Variants in TICAM1 observed in about 807,000 individuals in gnomAD.
TICAM1 encodes TIR domain-containing adapter molecule 1.
For synonymous variants in TICAM1, 439 were observed against 415.4 expected, an observed-to-expected ratio of 1.06 and a Z score of -0.69; for missense variants, 895 against 938.2, an observed-to-expected ratio of 0.95 and a Z score of 0.60.
chr19:4,823,190 C>T (rs939824457), intron 1 of TICAM1, among the ~76,000 whole-genome samples: 2 of 151,880 alleles, frequency 1.3e-5, no homozygotes, highest in Admixed American at 6.6e-5. Flanking sequence ...CATGGCCAGG[C>T]GCAGTGGCTC....
rs1470467112 is a variant in TICAM1, at chr19:4,818,104, C to T, written c.274G>A (p.Val92Met). The T allele has an allele frequency of 6.2e-7, 1 of 1,608,078 alleles. No individual in the cohort carries two copies. The highest frequency in any genetic ancestry group is 8.5e-7 in the Non-Finnish European group (1 of 1,179,810). ...STEDPEEPPD[V>M]SWAVARLYHL... ...TACAAGCGGGCCACAGCCCAGGACA[C>T]ATCTGGGGGCTCCTCTGGGTCCTCG... The change falls in exon 2 of 2, where the codon GTG (valine) becomes ATG (methionine). Residue 92 changes from valine (V) to methionine (M), a missense_variant. Coordinates refer to ENST00000248244, the MANE Select transcript of TICAM1 (RefSeq NM_182919.4). The surrounding 1 kb of genome is among the most constrained non-coding windows in gnomAD (Gnocchi z 4.0).
chr19:4,821,088 TG>T (rs1185811080), intron 1 of TICAM1, among the ~76,000 whole-genome samples: 1 of 149,710 alleles, frequency 6.7e-6, no homozygotes, highest in African/African-American at 2.5e-5. Context: ...CCCAGCTACT[TG>T]GGAGGCTGAG....
rs2093592435 is a variant in TICAM1, at chr19:4,818,842, G to A, written c.-139-326C>T. Among the ~76,000 whole-genome samples the A allele has an allele frequency of 1.3e-5, 2 of 152,228 alleles. No individual in the cohort carries two copies. The highest frequency in any genetic ancestry group is 1.3e-4 in the Admixed American group (2 of 15,258). Reference sequence around the variant, plus strand: ...AAAATTAGCTGGGCTGGGTGAGGGGGCTTAAGCCTGTAATCCCAGCAGTTG... The same window carrying A: ...AAAATTAGCTGGGCTGGGTGAGGGGACTTAAGCCTGTAATCCCAGCAGTTG... On this transcript the variant is annotated intron_variant, in intron 1 of 1. Coordinates refer to ENST00000248244, the MANE Select transcript of TICAM1 (RefSeq NM_182919.4). This position sits in a 1 kb window ranked among gnomAD's most constrained non-coding sequence, Gnocchi z 4.0.
intron 1 of TICAM1, among the ~76,000 whole-genome samples, chr19:4,820,392 C>G (rs1158550733): frequency 1.3e-5 from 2 of 149,856 alleles, no homozygotes; most frequent in Non-Finnish European, 3.0e-5. Context: ...TGCACTCCAG[C>G]CTGGGCGACA....
chr19:4,827,291 A>AAC (rs1298444448), intron 1 of TICAM1, among the ~76,000 whole-genome samples: 1 of 135,304 alleles, frequency 7.4e-6, no homozygotes, highest in East Asian at 2.4e-4. Flanking sequence ...GTGGAGGTTG[A>AAC]ACCCGGGAGG....
Position 4,816,269 on chromosome 19 carries a change from C to A in TICAM1, c.2109G>T (p.Ala703=). ...CTGCCTCCTGCGTCTTGTCCTCGGGCGCCTGGGACCCTCTCTGGTTCCACA... is the reference window on the plus strand; with the variant it reads ...CTGCCTCCTGCGTCTTGTCCTCGGGAGCCTGGGACCCTCTCTGGTTCCACA... ...NHMWNQRGSQ[A]PEDKTQEAE The change falls in exon 2 of 2, where the codon GCG becomes GCT. Residue 703 remains alanine (A), a synonymous_variant. Transcript: ENST00000248244. This position sits in a 1 kb window ranked among gnomAD's most constrained non-coding sequence, Gnocchi z 4.3. The A allele has an allele frequency of 6.6e-7, 1 of 1,513,432 alleles. No individual in the cohort carries two copies. Among genetic ancestry groups the A allele is most frequent in the Non-Finnish European group, 8.8e-7 (1 of 1,132,134 alleles). The allele number at this position is 1,513,432 out of a possible 1,614,324, so 93.8% of individuals were successfully genotyped here. A position where few individuals can be genotyped will look rare whatever the true frequency, so the allele number is the denominator to read the frequency against.
chr19:4,817,821 G>A lies in TICAM1; in HGVS notation c.557C>T (p.Ser186Leu), dbSNP rs146550489. The stretch of plus-strand genomic sequence containing the variant: ...CAGGGAGCACCCTTGGCTCCAGTCC[G>A]AAACACCGTCAATGGGGCGTGGGAG... ...RSLPRPIDGVSDWSQGCSLRS... is the reference protein window; with the variant it reads ...RSLPRPIDGVLDWSQGCSLRS... The change falls in exon 2 of 2, where the codon TCG (serine) becomes TTG (leucine). Residue 186 changes from serine to leucine, a missense_variant. Ser to Leu is a moderately radical substitution (Grantham distance 145, BLOSUM62 -2). Transcript: ENST00000248244. This position sits in a 1 kb window ranked among gnomAD's most constrained non-coding sequence, Gnocchi z 4.7. The A allele has an allele frequency of 2.4e-4, 384 of 1,604,790 alleles. No homozygotes were observed. The highest frequency in any genetic ancestry group is 1.0e-3 in the African/African-American group (75 of 74,934).
chr19:4,817,675 G>A lies in TICAM1; in HGVS notation c.703C>T (p.Gln235Ter). The A allele has an allele frequency of 6.3e-7, 1 of 1,585,458 alleles. No individual in the cohort carries two copies. Among genetic ancestry groups the A allele is most frequent in the Non-Finnish European group, 8.6e-7 (1 of 1,166,320 alleles). The change falls in exon 2 of 2, where the codon CAG (glutamine) becomes TAG (stop). Residue 235 changes from glutamine to a stop codon, truncating the protein, a stop_gained. Transcript: ENST00000248244. LOFTEE classifies it low-confidence loss of function (END_TRUNC). This position sits in a 1 kb window ranked among gnomAD's most constrained non-coding sequence, Gnocchi z 4.7. ...ACAGGCTCGGGCACCAAGCTGGCCT[G>A]GGGGTCGTCACAGAGCTTGCTGGGC... The part of the protein sequence containing the change: ...HGPSKLCDDP[Q>*]ASLVPEPVPG...
At chr19:4,830,808 A>G (rs2093612597) in intron 1 of TICAM1, among the ~76,000 whole-genome samples, 1 of 152,192 alleles carries the variant, frequency 6.6e-6, no homozygotes, top group African/African-American at 2.4e-5. Flanking sequence ...AGGAGGTAAC[A>G]TTGAGCTGAG....
chr19:4,826,110 G>A (rs7246838), intron 1 of TICAM1, among the ~76,000 whole-genome samples: 29,484 of 151,110 alleles, frequency 0.2, 4,392 homozygotes, highest in African/African-American at 0.42. Flanking sequence ...TGCAGTGACC[G>A]GAGATCGCGC....
chr19:4,827,928 G>A (rs773245254), intron 1 of TICAM1, among the ~76,000 whole-genome samples: 11 of 152,098 alleles, frequency 7.2e-5, no homozygotes, highest in South Asian at 4.2e-4. Context: ...TCCTGGGAAC[G>A]GTTGTGTGTA....
Position 4,816,151 on chromosome 19 carries a change from G to C in TICAM1, c.*88C>G. ...GACCTCATCTTCCACTGTCCACAGG[G>C]CACAGGGCAGACCGGGGTGCTCTAT... is the stretch of plus-strand genomic sequence containing the variant. On this transcript the variant is annotated 3_prime_UTR_variant, in exon 2 of 2. Coordinates refer to ENST00000248244, the MANE Select transcript of TICAM1 (RefSeq NM_182919.4). The surrounding 1 kb of genome is among the most constrained non-coding windows in gnomAD (Gnocchi z 4.3). 1 of 1,419,866 alleles carries C rather than the reference G, an allele frequency of 7.0e-7. No homozygotes were observed. The highest frequency in any genetic ancestry group is 2.5e-5 in the East Asian group (1 of 40,268). 88.0% of individuals were successfully genotyped at this position (1,419,866 alleles called of 1,614,324 possible).
intron 1 of TICAM1, among the ~76,000 whole-genome samples, chr19:4,827,616 G>C (rs2093607769): frequency 6.6e-6 from 1 of 151,696 alleles, no homozygotes; most frequent in African/African-American, 2.4e-5. Flanking sequence ...AAATTAGCCA[G>C]GTGTGGTGGC....
At chr19:4,828,795 T>C (rs997205019) in intron 1 of TICAM1, among the ~76,000 whole-genome samples, 1 of 150,688 alleles carries the variant, frequency 6.6e-6, no homozygotes, top group East Asian at 2.0e-4. Flanking sequence ...CTCCACCTCC[T>C]GGGTTCAAGC....
chr19:4,827,105 C>T (rs143175572), intron 1 of TICAM1, among the ~76,000 whole-genome samples: 5,347 of 151,510 alleles, frequency 0.035, 303 homozygotes, highest in African/African-American at 0.12. Context: ...AATCCCAGCA[C>T]TTTGAGAGGC....
At chr19:4,830,867 CT>C (rs2093612669) in intron 1 of TICAM1, among the ~76,000 whole-genome samples, 1 of 152,122 alleles carries the variant, frequency 6.6e-6, no homozygotes, top group Non-Finnish European at 1.5e-5. Context: ...GGGAGGAAAG[CT>C]TCTGGAAGGT....
Position 4,817,682 on chromosome 19 carries a change from G to C in TICAM1, c.696C>G (p.Asp232Glu). The change falls in exon 2 of 2, where the codon GAC becomes GAG. Residue 232 changes from aspartate to glutamate, a missense_variant. Asp to Glu is a conservative substitution (Grantham distance 45). Transcript: ENST00000248244. This position sits in a 1 kb window ranked among gnomAD's most constrained non-coding sequence, Gnocchi z 4.7. ...RSPHGPSKLC[D>E]DPQASLVPEP... The stretch of plus-strand genomic sequence containing the variant: ...CGGGCACCAAGCTGGCCTGGGGGTC[G>C]TCACAGAGCTTGCTGGGCCCATGTG... The C allele has an allele frequency of 6.3e-7, 1 of 1,584,952 alleles. No individual in the cohort carries two copies.
rs369362037 is a variant in TICAM1 at position 4,818,441 on chromosome 19, G to GC, written c.-65dup. 4 of 1,501,136 alleles carry GC rather than the reference G, an allele frequency of 2.7e-6. No homozygotes were observed. Among genetic ancestry groups the GC allele is most frequent in the Non-Finnish European group, 3.5e-6 (4 of 1,127,138 alleles). 93.0% of individuals were successfully genotyped at this position (1,501,136 alleles called of 1,614,324 possible). A position where few individuals can be genotyped will look rare whatever the true frequency, so the allele number is the denominator to read the frequency against. On this transcript the variant is annotated 5_prime_UTR_variant, in exon 2 of 2. Coordinates refer to ENST00000248244, the MANE Select transcript of TICAM1 (RefSeq NM_182919.4). This position sits in a 1 kb window ranked among gnomAD's most constrained non-coding sequence, Gnocchi z 4.0. ...AGGTGGTGAAGGCATGTTCCACACT[G>GC]CCCCCCGCCTTCTGCACGCCCAGTG... is the stretch of plus-strand genomic sequence containing the variant.
chr19:4,826,813 C>T (rs1004982258), intron 1 of TICAM1, among the ~76,000 whole-genome samples: 1 of 152,040 alleles, frequency 6.6e-6, no homozygotes, highest in Non-Finnish European at 1.5e-5. Context: ...GTTCTAGAAT[C>T]CACTGAGCTT....
Sources: allele counts gnomAD v4.1 joint callset (sites outside exome capture counted in the v4.1 genomes callset), GRCh38; gene constraint gnomAD v4.1.1; non-coding constraint Gnocchi (gnomAD v3.1); transcripts MANE v1.5; gene names NCBI Gene and HGNC (gene_info 2026-07-23, HGNC 2026-07-21).